The following LAMA3 variants were observed in gnomAD, a reference collection of about 807,000 sequenced individuals.
LAMA3 encodes the protein laminin subunit alpha 3.
In LAMA3, 281 loss-of-function variants were observed where a neutral mutation model predicts 402.0. The observed-to-expected ratio is 0.70, with a 90% CI of 0.63 to 0.77. The LOEUF (loss-of-function observed/expected upper bound fraction) is 0.77. Among genes scored for constraint, LAMA3 ranks in the 30% least tolerant of loss-of-function variants. The pLI is 0.00. For synonymous variants in LAMA3, 1,431 were observed against 1,558.4 expected (o/e 0.92, Z 1.93); for missense variants, 3,840 against 4,215.5 (o/e 0.91, Z 2.47).
chr18:23,949,945 A>G, intron 71 of LAMA3, 21 bp downstream of exon 71: 1 of 1,614,078 alleles, frequency 6.2e-7, no homozygotes, highest in Non-Finnish European at 8.5e-7. Flanking sequence ...GTTCTATAGA[A>G]TTTAAGTCTT....
At chr18:23,834,058 T>A in intron 24 of LAMA3, 70 bp downstream of exon 24, 1 of 1,555,622 alleles carries the variant, frequency 6.4e-7, no homozygotes, top group Non-Finnish European at 8.9e-7. Context: ...GAACTTTGGC[T>A]GTTACTTGCA....
At chr18:23,749,863 T>C (rs2061713658) in intron 4 of LAMA3, among the ~76,000 whole-genome samples, 1 of 152,154 alleles carries the variant, frequency 6.6e-6, no homozygotes, top group African/African-American at 2.4e-5. Flanking sequence ...ACCCCTTACC[T>C]CTTCACCTAT....
intron 16 of LAMA3, 96 bp downstream of exon 16, chr18:23,815,336 A>G: frequency 7.4e-7 from 1 of 1,360,068 alleles, no homozygotes; most frequent in Non-Finnish European, 1.0e-6. Context: ...CTGTCATTCT[A>G]CAGTGCATGG....
chr18:23,910,389 T>C (rs1317130416), intron 55 of LAMA3, among the ~76,000 whole-genome samples: 2 of 152,160 alleles, frequency 1.3e-5, no homozygotes, highest in Non-Finnish European at 2.9e-5. Context: ...GCCTGGCAAA[T>C]AGTAGGTACC....
At chr18:23,740,955 A>G (rs779119500) in intron 2 of LAMA3, among the ~76,000 whole-genome samples, 21 of 144,656 alleles carry the variant, frequency 1.5e-4, no homozygotes, top group Non-Finnish European at 2.4e-4. Flanking sequence ...AACCAAGCAC[A>G]CTTTTTTTTT....
intron 1 of LAMA3, among the ~76,000 whole-genome samples, chr18:23,691,608 A>G (rs1214010523): frequency 1.3e-5 from 2 of 152,094 alleles, no homozygotes; most frequent in African/African-American, 2.4e-5. Flanking sequence ...GTCTCACTCT[A>G]TTACCCAGGC....
intron 2 of LAMA3, among the ~76,000 whole-genome samples, chr18:23,736,802 TGGAGCTGGGTCCAAG>T (rs2061482908): frequency 6.6e-6 from 1 of 151,832 alleles, no homozygotes; most frequent in African/African-American, 2.4e-5. Context: ...GGGAAGGGGG[TGGAGCTGGGTCCAAG>T]GAAGGTGTGC....
chr18:23,921,098 A>G, intron 61 of LAMA3, 44 bp downstream of exon 61: 1 of 1,605,796 alleles, frequency 6.2e-7, no homozygotes, highest in Non-Finnish European at 8.5e-7. Context: ...AAATGTCCTT[A>G]GTCCTTTAAA....
intron 23 of LAMA3, 44 bp downstream of exon 23, chr18:23,827,511 C>G: frequency 6.3e-7 from 1 of 1,596,496 alleles, no homozygotes; most frequent in Non-Finnish European, 8.6e-7. Flanking sequence ...TACTACCTCC[C>G]CATCTGTATC....
At chr18:23,915,156 A>G in intron 58 of LAMA3, 133 bp from the exon 59 acceptor site, 1 of 1,040,598 alleles carries the variant, frequency 9.6e-7, no homozygotes. Context: ...TAGCAAAGCC[A>G]GGGCATCTTG....
At chr18:23,797,609 G>A (rs979392398) in intron 12 of LAMA3, among the ~76,000 whole-genome samples, 3 of 152,120 alleles carry the variant, frequency 2.0e-5, no homozygotes, top group Non-Finnish European at 2.9e-5. Flanking sequence ...CAGCTACTCG[G>A]GAGGCTGAGG....
At chr18:23,754,786 T>C (rs1358629524) in intron 6 of LAMA3, among the ~76,000 whole-genome samples, 1 of 152,244 alleles carries the variant, frequency 6.6e-6, no homozygotes, top group Non-Finnish European at 1.5e-5. Flanking sequence ...GGATGCCAGA[T>C]ATAGTAATCA....
chr18:23,834,978 C>A (rs1186018668), intron 24 of LAMA3: 4 of 152,126 alleles, frequency 2.6e-5, no homozygotes, highest in Non-Finnish European at 5.9e-5. Flanking sequence ...ATGATAGAAC[C>A]AAAGAAGGTA....
chr18:23,765,642 C>T (rs2062060695), intron 8 of LAMA3, among the ~76,000 whole-genome samples: 1 of 151,980 alleles, frequency 6.6e-6, no homozygotes, highest in African/African-American at 2.4e-5. Flanking sequence ...CTGACATGCC[C>T]CAGATGTTGA....
chr18:23,696,683 T>C (rs2060691905), intron 1 of LAMA3, among the ~76,000 whole-genome samples: 1 of 152,152 alleles, frequency 6.6e-6, no homozygotes, highest in Non-Finnish European at 1.5e-5. Flanking sequence ...GTATTTTTAG[T>C]AGAGATGGGT....
chr18:23,705,294 T>G (rs1329519136), intron 1 of LAMA3, among the ~76,000 whole-genome samples: 1 of 152,150 alleles, frequency 6.6e-6, no homozygotes, highest in African/African-American at 2.4e-5. Flanking sequence ...TTATGGGTGT[T>G]TTTAAAATAT....
intron 23 of LAMA3, 152 bp from the exon 24 acceptor site, chr18:23,833,676 T>G: frequency 1.3e-6 from 1 of 771,346 alleles, no homozygotes; most frequent in East Asian, 2.5e-5. Context: ...TTATCTGGCA[T>G]CTCAACCTGT....
At chr18:23,869,017 A>G (rs1187043542) in intron 37 of LAMA3, among the ~76,000 whole-genome samples, 2 of 152,226 alleles carry the variant, frequency 1.3e-5, no homozygotes, top group Non-Finnish European at 2.9e-5. Context: ...GATACTTGCT[A>G]TAAGACACAA....
intron 45 of LAMA3, 41 bp downstream of exon 45, chr18:23,898,889 T>A: frequency 6.3e-7 from 1 of 1,576,916 alleles, no homozygotes; most frequent in East Asian, 2.2e-5. Context: ...TTTTTTTGCT[T>A]TCAAAGTATT....
Sources: allele counts gnomAD v4.1 joint callset (sites outside exome capture counted in the v4.1 genomes callset), GRCh38; gene constraint gnomAD v4.1.1; transcripts MANE v1.5; gene names NCBI Gene and HGNC (gene_info 2026-07-23, HGNC 2026-07-21).